Variants in ULK1 observed in about 807,000 individuals in gnomAD.
ULK1 encodes the protein serine/threonine-protein kinase ULK1.
ULK1 carries 48 observed loss-of-function variants against 117.5 expected under a neutral mutation model. The ratio of observed to expected loss-of-function variants is 0.41; its 90% CI spans 0.32 to 0.52. ULK1 has a LOEUF of 0.52. ULK1 is among the 20% of genes least tolerant of loss of function. ULK1 has a pLI of 0.29. For missense variants in ULK1, 1,387 were observed against 1,473.4 expected, an observed-to-expected ratio of 0.94 and a Z score of 0.96; for synonymous variants, 790 against 637.8, an observed-to-expected ratio of 1.24 and a Z score of -3.60.
In ULK1 at chr12:131,917,494, G is replaced by T. The variant is rs369673571; in HGVS notation, c.2266G>T (p.Val756Leu). The T allele has an allele frequency of 6.7e-7, 1 of 1,497,516 alleles. No homozygotes were observed. The highest frequency in any genetic ancestry group is 8.9e-7 in the Non-Finnish European group (1 of 1,121,884). 92.8% of individuals were successfully genotyped at this position (1,497,516 alleles called of 1,614,324 possible). ...TSSPSPVVFT[V>L]GSPPSGSTPP... Reference sequence around the variant, plus strand: ...CAGCCCTTCCCCGGTGGTCTTCACCGTGGGCTCTCCCCCGAGCGGGAGCAC... The same window carrying T: ...CAGCCCTTCCCCGGTGGTCTTCACCTTGGGCTCTCCCCCGAGCGGGAGCAC... The change falls in exon 22 of 28, where the codon GTG (valine) becomes TTG (leucine). Residue 756 changes from valine (V) to leucine (L), a missense_variant. Transcript: ENST00000321867.
At position 131,916,523 on chromosome 12, in the gene ULK1, A is replaced by C. The variant is rs1593272701; in HGVS notation, c.2004A>C (p.Gly668=). 1.2e-6 allele frequency: 2 copies of C among 1,610,766 alleles called. No homozygotes were observed. The highest frequency in any genetic ancestry group is 1.7e-6 in the Non-Finnish European group (2 of 1,179,542). ...NRTLPDLSEV[G]PFHGQPLGPG... ...CGCTGCCCGACCTCTCGGAGGTGGG[A>C]CCCTTCCATGGTCAGCCGTTGGGCC... Residue 668 remains glycine (G), a synonymous_variant, in exon 20 of 28, where the codon GGA becomes GGC. Coordinates refer to ENST00000321867, the MANE Select transcript of ULK1 (RefSeq NM_003565.4).
chr12:131,922,433 A>T lies in ULK1; in HGVS notation c.*1072A>T. 2.7e-5 allele frequency: 5 copies of T among 188,234 alleles called. No homozygotes were observed. The highest frequency in any genetic ancestry group is 1.1e-4 in the Admixed American group (2 of 17,480). 11.7% of individuals were successfully genotyped at this position (188,234 alleles called of 1,614,324 possible). On this transcript the variant is annotated 3_prime_UTR_variant, in exon 28 of 28. Coordinates refer to ENST00000321867, the MANE Select transcript of ULK1 (RefSeq NM_003565.4). ...CAAAGAAAAAAGTAACATGTGCAAA[A>T]GCTCCCCGTCCAGCTTTGACAGTCA...
intron 3 of ULK1, chr12:131,897,307 G>C (rs1042027157): frequency 2.6e-5 from 4 of 152,222 alleles, no homozygotes; most frequent in Admixed American, 6.5e-5. Context: ...AATGGACAAT[G>C]AACGATTTGG....
intron 3 of ULK1, among the ~76,000 whole-genome samples, chr12:131,899,797 G>A (rs555484643): frequency 6.6e-5 from 10 of 152,326 alleles, no homozygotes; most frequent in African/African-American, 1.7e-4. Context: ...TGGGCAGGTA[G>A]CCTCCTGGCA....
At chr12:131,909,407 CA>C (rs1306730628) in intron 8 of ULK1, among the ~76,000 whole-genome samples, 170 bp downstream of exon 8, 2 of 152,202 alleles carry the variant, frequency 1.3e-5, no homozygotes, top group Non-Finnish European at 2.9e-5. Context: ...CGGTGTCCCC[CA>C]GGGAGGGCGG....
Position 131,914,332 on chromosome 12 carries a change from C to T in ULK1, c.1248-20C>T. The T allele has an allele frequency of 1.9e-6, 3 of 1,606,332 alleles. No individual in the cohort carries two copies. Among genetic ancestry groups the T allele is most frequent in the Non-Finnish European group, 2.5e-6 (3 of 1,179,652 alleles). On this transcript the variant is annotated intron_variant, in intron 15 of 27. Coordinates refer to ENST00000321867, the MANE Select transcript of ULK1 (RefSeq NM_003565.4). ...TGTGACCCCAGTGTCTGTCATGATC[C>T]TGACCTCTCTCCACCACAGCCGGGC...
In ULK1 at chr12:131,895,656, C is replaced by A; in HGVS notation, c.167C>A (p.Ser56Tyr). ...KCINKKNLAK[S>Y]QTLLGKEIKI... is the part of the protein sequence containing the mutation. ...ATTAACAAGAAGAACCTCGCCAAGT[C>A]TCAGACGCTGCTGGGGAAGGAAATC... is the stretch of plus-strand genomic sequence containing the variant. Residue 56 changes from serine to tyrosine, a missense_variant, in exon 2 of 28, where the codon TCT becomes TAT. Physicochemically the swap from Ser to Tyr is moderately radical, Grantham distance 144. Coordinates refer to ENST00000321867, the MANE Select transcript of ULK1 (RefSeq NM_003565.4). 6.2e-7 allele frequency: 1 copy of A among 1,614,142 alleles called. No individual in the cohort carries two copies. Among genetic ancestry groups the A allele is most frequent in the South Asian group, 1.1e-5 (1 of 91,076 alleles).
Position 131,894,907 on chromosome 12 carries a change from G to A in ULK1, c.-95G>A. The A allele has an allele frequency of 6.6e-6, 1 of 150,590 alleles. No homozygotes were observed. Among genetic ancestry groups the A allele is most frequent in the South Asian group, 2.2e-4 (1 of 4,506 alleles). 9.3% of individuals were successfully genotyped at this position (150,590 alleles called of 1,614,324 possible). Reference sequence around the variant, plus strand: ...CCCGGCCCCGCGCCCCCGGCCCCGCGCCCCCGGCCCGCCCGCCCCGGCCCG... The same window carrying A: ...CCCGGCCCCGCGCCCCCGGCCCCGCACCCCCGGCCCGCCCGCCCCGGCCCG... On this transcript the variant is annotated 5_prime_UTR_variant, in exon 1 of 28. Transcript: ENST00000321867.
In ULK1 at chr12:131,912,007, G is replaced by A. The variant is rs1315050679; in HGVS notation, c.1014G>A (p.Leu338=). 6.2e-7 allele frequency: 1 copy of A among 1,612,928 alleles called. No homozygotes were observed. The highest frequency in any genetic ancestry group is 1.7e-5 in the Admixed American group (1 of 60,020). Residue 338 remains leucine, a synonymous_variant, in exon 13 of 28, where the codon CTG becomes CTA. Coordinates refer to ENST00000321867, the MANE Select transcript of ULK1 (RefSeq NM_003565.4). The part of the protein sequence containing the change: ...LASPADTAGF[L]HSSRDSGGSK... ...CCCCGGCTGACACCGCTGGCTTCCTGCACAGCTCCCGGGACTCTGGTGGCA... is the reference window on the plus strand; with the variant it reads ...CCCCGGCTGACACCGCTGGCTTCCTACACAGCTCCCGGGACTCTGGTGGCA...
intron 15 of ULK1, 137 bp from the exon 16 acceptor site, chr12:131,914,215 C>G (rs1593270179): frequency 1.5e-6 from 2 of 1,379,180 alleles, no homozygotes; most frequent in Non-Finnish European, 2.0e-6. Flanking sequence ...TCTTTTCAGA[C>G]CTGGCATGGG....
chr12:131,916,245 G>T, intron 19 of ULK1, 86 bp downstream of exon 19: 1 of 1,549,150 alleles, frequency 6.5e-7, no homozygotes, highest in Non-Finnish European at 8.7e-7. Flanking sequence ...GACCGAGGAA[G>T]GCAGCTCTGT....
Position 131,921,515 on chromosome 12 carries a change from C to T in ULK1, c.*154C>T. On this transcript the variant is annotated 3_prime_UTR_variant, in exon 28 of 28. Transcript: ENST00000321867. The stretch of plus-strand genomic sequence containing the variant: ...GACAGTCAGCCTGCCGGCCTCCCTG[C>T]AGCTCACGGGGCAGAACCAGCACAT... 1 of 1,141,530 alleles carries T rather than the reference C, an allele frequency of 8.8e-7. No individual in the cohort carries two copies. The highest frequency in any genetic ancestry group is 1.3e-6 in the Non-Finnish European group (1 of 784,818). The allele number at this position is 1,141,530 out of a possible 1,614,324, so 70.7% of individuals were successfully genotyped here.
At chr12:131,911,891 G>T (rs1320884850) in intron 12 of ULK1, 51 bp from the exon 13 acceptor site, 1 of 1,611,896 alleles carries the variant, frequency 6.2e-7, no homozygotes, top group African/African-American at 1.3e-5. Flanking sequence ...TTGCTCCCCT[G>T]AGTGTGTAGG....
chr12:131,908,172 G>A (rs1889354368), intron 5 of ULK1, among the ~76,000 whole-genome samples: 1 of 152,146 alleles, frequency 6.6e-6, no homozygotes, highest in African/African-American at 2.4e-5. Flanking sequence ...GGGGCTGGTA[G>A]ATGGACAGGA....
In ULK1 at chr12:131,915,352, C is replaced by T. The variant is rs374609726; in HGVS notation, c.1540C>T (p.Arg514Trp). 5.3e-5 allele frequency: 86 copies of T among 1,612,654 alleles called. No homozygotes were observed. Among genetic ancestry groups the T allele is most frequent in the Middle Eastern group, 1.6e-4 (1 of 6,080 alleles). The part of the protein sequence containing the change: ...PSPQVGTIPE[R>W]PGWSGTPSPQ... The stretch of plus-strand genomic sequence containing the variant: ...TCCCCAAGTTGGAACCATCCCTGAG[C>T]GGCCAGGCTGGAGCGGGACGCCCTC... The change falls in exon 18 of 28, where the codon CGG becomes TGG. Residue 514 changes from arginine (R) to tryptophan (W), a missense_variant. Coordinates refer to ENST00000321867, the MANE Select transcript of ULK1 (RefSeq NM_003565.4).
chr12:131,913,657 A>T (rs1229270170), intron 14 of ULK1, 90 bp from the exon 15 acceptor site: 2 of 942,908 alleles, frequency 2.1e-6, no homozygotes, highest in Non-Finnish European at 3.0e-6. Flanking sequence ...GTGAGCCGAG[A>T]TTGCGCCACT....
In ULK1 at chr12:131,915,875, G is replaced by T; in HGVS notation, c.1610-16G>T. On this transcript the variant is annotated splice_polypyrimidine_tract_variant and intron_variant, in intron 18 of 27. Coordinates refer to ENST00000321867, the MANE Select transcript of ULK1 (RefSeq NM_003565.4). Reference sequence around the variant, plus strand: ...CGCCGGACCGGAAGGTCGTGACGAGGCGTGTCTCTCTCTAGGCTCCTCTGC... The same window carrying T: ...CGCCGGACCGGAAGGTCGTGACGAGTCGTGTCTCTCTCTAGGCTCCTCTGC... The T allele has an allele frequency of 1.2e-6, 2 of 1,607,534 alleles. No individual in the cohort carries two copies. Among genetic ancestry groups the T allele is most frequent in the Admixed American group, 1.7e-5 (1 of 59,854 alleles).
rs143018342 is a variant in ULK1 at position 131,918,607 on chromosome 12, G to C, written c.2437G>C (p.Asp813His). ...PAPGHGCSFA[D>H]PITANLEGAV... ...TCCAGGACACGGCTGCAGCTTTGCC[G>C]ACCCCATTACTGCGAACCTGGAGGG... is the stretch of plus-strand genomic sequence containing the variant. Residue 813 changes from aspartate to histidine, a missense_variant, in exon 23 of 28, where the codon GAC (aspartate) becomes CAC (histidine). Asp to His is a moderately conservative substitution (Grantham distance 81). Around this residue, in one of 4 missense-constraint regions of ULK1, gnomAD observed 900 missense variants for 858.9 expected, o/e 1.05. Transcript: ENST00000321867. 6 of 1,610,602 alleles carry C rather than the reference G, an allele frequency of 3.7e-6. No homozygotes were observed. The Admixed American group carries it at 5.0e-5, about 13-fold the overall frequency.
chr12:131,895,352 C>G (rs934522113), intron 1 of ULK1, among the ~76,000 whole-genome samples: 3 of 151,558 alleles, frequency 2.0e-5, no homozygotes, highest in African/African-American at 7.3e-5. Flanking sequence ...ACTCCGAGAC[C>G]CCCAGCCCGA....
Sources: gnomAD v4.1 joint callset for allele counts (sites outside exome capture counted in the v4.1 genomes callset) on GRCh38, gnomAD v4.1.1 for gene constraint, gnomAD v4.1.1 regional missense constraint, MANE v1.5 for transcripts, NCBI Gene and HGNC (gene_info 2026-07-23, HGNC 2026-07-21) for gene names.